The following DUOXA1 variants were observed in gnomAD, a reference collection of about 807,000 sequenced individuals.
DUOXA1 encodes the protein dual oxidase activator 1.
A neutral mutation model predicts 26.6 loss-of-function variants in DUOXA1; 19 were observed. That is an observed-to-expected ratio of 0.71 (90% CI 0.50 to 1.05). The LOEUF (loss-of-function observed/expected upper bound fraction) is 1.05. Ranked by LOEUF, DUOXA1 falls within the 50% of genes least tolerant of loss-of-function variation. The pLI is 0.00. For synonymous variants in DUOXA1, 166 were observed against 177.0 expected (o/e 0.94, Z 0.49); for missense variants, 403 against 427.5 (o/e 0.94, Z 0.51).
At chr15:45,122,092 C>T in intron 5 of DUOXA1, 93 bp downstream of exon 5, 1 of 1,424,906 alleles carries the variant, frequency 7.0e-7, no homozygotes, top group Non-Finnish European at 9.7e-7. Context: ...CAAGGGCCCA[C>T]CGCTGTGGGG....
chr15:45,122,958 C>T lies in DUOXA1; in HGVS notation c.57G>A (p.Pro19=), dbSNP rs142948287. 127 of 1,613,144 alleles carry T rather than the reference C, an allele frequency of 7.9e-5. No individual in the cohort carries two copies. The highest frequency in any genetic ancestry group is 2.3e-4 in the Admixed American group (14 of 59,938). The change falls in exon 4 of 9, where the codon CCG becomes CCA. Residue 19 remains proline, a synonymous_variant. Coordinates refer to ENST00000560572, the MANE Select transcript of DUOXA1 (RefSeq NM_001276266.2). ...TGATGCTGGCCAAAGTGGTGTCCATCGGGAAGGTTGGCTTGGGGCCAGCAT... is the reference window on the plus strand; with the variant it reads ...TGATGCTGGCCAAAGTGGTGTCCATTGGGAAGGTTGGCTTGGGGCCAGCAT... The part of the protein sequence containing the change: ...PFYAGPKPTF[P]MDTTLASIIM...
chr15:45,123,087 C>G, intron 3 of DUOXA1, 44 bp from the exon 4 acceptor site: 1 of 1,502,390 alleles, frequency 6.7e-7, no homozygotes, highest in Non-Finnish European at 8.9e-7. Flanking sequence ...CTCAATGTAC[C>G]TGGCACTGTT....
Position 45,118,572 on chromosome 15 carries a change from G to A in DUOXA1, c.*534C>T. ...TGAAGCTCAAAGAGAATGTGGCATA[G>A]TTGGTTAATGTTAGACCTAGGATGA... is the stretch of plus-strand genomic sequence containing the variant. On this transcript the variant is annotated 3_prime_UTR_variant, in exon 9 of 9. Transcript: ENST00000560572. 1.0e-6 allele frequency: 1 copy of A among 991,330 alleles called. No homozygotes were observed. The highest frequency in any genetic ancestry group is 1.2e-6 in the Non-Finnish European group (1 of 834,134). 61.4% of individuals were successfully genotyped at this position (991,330 alleles called of 1,614,324 possible). A position where few individuals can be genotyped will look rare whatever the true frequency, so the allele number is the denominator to read the frequency against.
Position 45,118,122 on chromosome 15 carries a change from A to AT in DUOXA1, c.*983dup. ...TTTTTAAAAACTGTTTTTCCCATTA[A>AT]TTTTCATGGCTTCTCCGCGCCGGGG... On this transcript the variant is annotated 3_prime_UTR_variant, in exon 9 of 9. Coordinates refer to ENST00000560572, the MANE Select transcript of DUOXA1 (RefSeq NM_001276266.2). 2.1e-6 allele frequency: 3 copies of AT among 1,449,918 alleles called. No individual in the cohort carries two copies. Among genetic ancestry groups the AT allele is most frequent in the Non-Finnish European group, 2.7e-6 (3 of 1,105,964 alleles). The allele number at this position is 1,449,918 out of a possible 1,614,324, so 89.8% of individuals were successfully genotyped here.
At chr15:45,125,282 C>T (rs1369276569) in intron 3 of DUOXA1, among the ~76,000 whole-genome samples, 1 of 152,206 alleles carries the variant, frequency 6.6e-6, no homozygotes, top group Non-Finnish European at 1.5e-5. Flanking sequence ...CCTGCCTTCT[C>T]CACCACCTTT....
At chr15:45,122,497 G>A (rs1463797063) in intron 4 of DUOXA1, among the ~76,000 whole-genome samples, 5 of 152,012 alleles carry the variant, frequency 3.3e-5, no homozygotes, top group Non-Finnish European at 4.4e-5. Context: ...CCACTCAAGT[G>A]ATCCTCCCAC....
Position 45,118,611 on chromosome 15 carries a change from C to G in DUOXA1, c.*495G>C. ...GACCTAGGATGAGAAGTTTGGTTTC[C>G]CCTCCTTTCCAGTGCTGTCTTTCAT... On this transcript the variant is annotated 3_prime_UTR_variant, in exon 9 of 9. Coordinates refer to ENST00000560572, the MANE Select transcript of DUOXA1 (RefSeq NM_001276266.2). 3.0e-6 allele frequency: 3 copies of G among 990,636 alleles called. No individual in the cohort carries two copies. Among genetic ancestry groups the G allele is most frequent in the Non-Finnish European group, 3.6e-6 (3 of 833,888 alleles). 61.4% of individuals were successfully genotyped at this position (990,636 alleles called of 1,614,324 possible). A position where few individuals can be genotyped will look rare whatever the true frequency, so the allele number is the denominator to read the frequency against.
chr15:45,120,557 C>G, intron 7 of DUOXA1, 35 bp downstream of exon 7: 1 of 1,605,476 alleles, frequency 6.2e-7, no homozygotes, highest in Non-Finnish European at 8.5e-7. Context: ...ATCTAGGCTA[C>G]CAGGGCCTCC....
chr15:45,121,802 C>T (rs1895232807), intron 5 of DUOXA1, among the ~76,000 whole-genome samples: 1 of 152,214 alleles, frequency 6.6e-6, no homozygotes, highest in South Asian at 2.1e-4. Context: ...CAGGCATGAG[C>T]CACTGTGCCC....
At chr15:45,120,954 G>T in intron 6 of DUOXA1, 133 bp downstream of exon 6, 1 of 1,510,760 alleles carries the variant, frequency 6.6e-7, no homozygotes, top group East Asian at 2.3e-5. Context: ...TTCCTACCAT[G>T]CCTCTGACCT....
chr15:45,119,292 G>C lies in DUOXA1; in HGVS notation c.846C>G (p.Phe282Leu). 6.2e-7 allele frequency: 1 copy of C among 1,614,168 alleles called. No individual in the cohort carries two copies. The highest frequency in any genetic ancestry group is 8.5e-7 in the Non-Finnish European group (1 of 1,180,022). ...GGTCTTCATCCACACTCTGGTTGAAGAAAGCCTTCAGCCTGTGAGGCTGCA... is the reference window on the plus strand; with the variant it reads ...GGTCTTCATCCACACTCTGGTTGAACAAAGCCTTCAGCCTGTGAGGCTGCA... ...HRMQPHRLKA[F>L]FNQSVDEDPM... Residue 282 changes from phenylalanine to leucine, a missense_variant, in exon 9 of 9, where the codon TTC becomes TTG. Coordinates refer to ENST00000560572, the MANE Select transcript of DUOXA1 (RefSeq NM_001276266.2).
intron 3 of DUOXA1, among the ~76,000 whole-genome samples, chr15:45,126,301 TG>T (rs1477186156): frequency 1.3e-5 from 2 of 152,250 alleles, no homozygotes; most frequent in Admixed American, 6.5e-5. Context: ...CTCCATCTTT[TG>T]CCCAGCCTAG....
At chr15:45,123,389 C>A (rs957242969) in intron 3 of DUOXA1, among the ~76,000 whole-genome samples, 1 of 152,196 alleles carries the variant, frequency 6.6e-6, no homozygotes, top group African/African-American at 2.4e-5. Context: ...CTCCTTCAGG[C>A]CCCTAGCACA....
At position 45,122,895 on chromosome 15, in the gene DUOXA1, G is replaced by A. The variant is rs369981890; in HGVS notation, c.120C>T (p.Val40=). Residue 40 remains valine, a synonymous_variant, in exon 4 of 9, where the codon GTC becomes GTT. Transcript: ENST00000560572. Reference sequence around the variant, plus strand: ...TCTTTCCCCGAATGCCAGGCAGGATGACGATGAACGTGGCCAGTGCAGTCA... The same window carrying A: ...TCTTTCCCCGAATGCCAGGCAGGATAACGATGAACGTGGCCAGTGCAGTCA... ...IFLTALATFI[V]ILPGIRGKTR... is the part of the protein sequence containing the mutation. 11 of 1,611,630 alleles carry A rather than the reference G, an allele frequency of 6.8e-6. No individual in the cohort carries two copies. In the African/African-American group the frequency reaches 1.2e-4, roughly 18 times the overall value.
chr15:45,125,872 G>T (rs886937455), intron 3 of DUOXA1, among the ~76,000 whole-genome samples: 3 of 152,082 alleles, frequency 2.0e-5, no homozygotes, highest in Non-Finnish European at 4.4e-5. Context: ...GTTCTCAAAT[G>T]TCTTCAGGTA....
chr15:45,123,271 C>T (rs1895400607), intron 3 of DUOXA1, among the ~76,000 whole-genome samples: 1 of 149,476 alleles, frequency 6.7e-6, no homozygotes, highest in Non-Finnish European at 1.5e-5. Context: ...TCTCTGTTGC[C>T]CCATTCTCCT....
chr15:45,119,926 A>C (rs564323351), intron 8 of DUOXA1, among the ~76,000 whole-genome samples, 177 bp downstream of exon 8: 18 of 151,594 alleles, frequency 1.2e-4, no homozygotes, highest in African/African-American at 4.1e-4. Flanking sequence ...AGGGGGGGGA[A>C]GTGGCACTGG....
At position 45,125,119 on chromosome 15, in the gene DUOXA1, T is replaced by C. The variant is rs1165664310; in HGVS notation, c.-29-2076A>G. ...CAGACAGTTTTAACTTCTAATCCTG[T>C]ATTTTGGGCAAGTCACTTAATCCCT... On this transcript the variant is annotated intron_variant, in intron 3 of 8. Transcript: ENST00000560572. 2.6e-5 allele frequency among the ~76,000 whole-genome samples: 4 copies of C among 152,288 alleles called. No homozygotes were observed. In the East Asian group the frequency reaches 7.7e-4, roughly 29 times the overall value.
In DUOXA1 at chr15:45,120,133, C is replaced by T. The variant is rs778555105; in HGVS notation, c.742G>A (p.Gly248Arg). ...LGASVLHTHH[G>R]PAFWITLTTG... The stretch of plus-strand genomic sequence containing the variant: ...GTCAATGTGATCCAGAAGGCAGGCC[C>T]ATGGTGAGTATGCAGCACAGAAGCG... Residue 248 changes from glycine to arginine, a missense_variant, in exon 8 of 9, where the codon GGG (glycine) becomes AGG (arginine). Gly to Arg is a moderately radical substitution (Grantham distance 125). Transcript: ENST00000560572. The T allele has an allele frequency of 8.2e-5, 133 of 1,613,828 alleles. No homozygotes were observed. Among genetic ancestry groups the T allele is most frequent in the Non-Finnish European group, 1.0e-4 (121 of 1,179,994 alleles).
Sources: gnomAD v4.1 joint callset for allele counts (sites outside exome capture counted in the v4.1 genomes callset) on GRCh38, gnomAD v4.1.1 for gene constraint, MANE v1.5 for transcripts, NCBI Gene and HGNC (gene_info 2026-07-23, HGNC 2026-07-21) for gene names.